Variants in LINGO2 observed in about 807,000 individuals in gnomAD.
The protein encoded by LINGO2 is leucine rich repeat and Ig domain containing 2.
In LINGO2, 14 loss-of-function variants were observed where a neutral mutation model predicts 30.6. The ratio of observed to expected loss-of-function variants is 0.46; its 90% confidence interval spans 0.30 to 0.72. LINGO2 has a LOEUF of 0.72. Among genes scored for constraint, LINGO2 ranks in the 30% least tolerant of loss-of-function variants. The pLI, the probability that LINGO2 is intolerant of heterozygous loss-of-function variation, is 0.07. For synonymous variants in LINGO2, 317 were observed against 288.5 expected, an observed-to-expected ratio of 1.10 and a Z score of -1.00; for missense variants, 729 against 751.7, an observed-to-expected ratio of 0.97 and a Z score of 0.35.
In LINGO2 at chr9:28,598,252, G is replaced by C. The variant is rs535149464; in HGVS notation, c.-365+71948C>G. ...AAACAAATACTAACAACATCAAAATGCAAGCAAAAGTTCTTATATACATCT... is the reference window on the plus strand; with the variant it reads ...AAACAAATACTAACAACATCAAAATCCAAGCAAAAGTTCTTATATACATCT... On this transcript the variant is annotated intron_variant, in intron 1 of 5. Transcript: ENST00000379992. Among the ~76,000 whole-genome samples the C allele has an allele frequency of 2.5e-4, 38 of 152,024 alleles. No individual in the cohort carries two copies. The South Asian group carries it at 7.7e-3, about 31-fold the overall frequency.
chr9:28,380,702 A>G (rs1421836435), intron 2 of LINGO2, among the ~76,000 whole-genome samples: 2 of 152,072 alleles, frequency 1.3e-5, no homozygotes, highest in Non-Finnish European at 2.9e-5. Context: ...GTCTTTCTTA[A>G]AAGAGATAGT....
At chr9:29,032,092 G>T in the LINGO2 span, among the ~76,000 whole-genome samples, 1 of 152,170 alleles carries the variant, frequency 6.6e-6, no homozygotes, top group Non-Finnish European at 1.5e-5. Flanking sequence ...AACTTGTAGA[G>T]TAGTGCATAA....
At chr9:28,204,879 TG>T (rs991480485) in intron 4 of LINGO2, among the ~76,000 whole-genome samples, 4 of 152,168 alleles carry the variant, frequency 2.6e-5, no homozygotes, top group South Asian at 2.1e-4. Context: ...ATAAAGGGGA[TG>T]TTTTTTTCCT....
chr9:28,470,016 C>T (rs1825459072), intron 2 of LINGO2, among the ~76,000 whole-genome samples: 1 of 152,000 alleles, frequency 6.6e-6, no homozygotes, highest in East Asian at 1.9e-4. Flanking sequence ...TCTAAGTATA[C>T]ATAAAGGAAT....
intron 4 of LINGO2, among the ~76,000 whole-genome samples, chr9:28,139,699 G>T (rs571136682): frequency 6.6e-6 from 1 of 152,140 alleles, no homozygotes; most frequent in Admixed American, 6.5e-5. Flanking sequence ...TATGAAATAC[G>T]TTGAGATGTT....
intron 4 of LINGO2, among the ~76,000 whole-genome samples, chr9:28,135,594 TA>T: frequency 6.6e-6 from 1 of 152,208 alleles, no homozygotes; most frequent in Non-Finnish European, 1.5e-5. Flanking sequence ...TGATGAATTC[TA>T]AAATGAAAGT....
intron 1 of LINGO2, among the ~76,000 whole-genome samples, chr9:28,667,044 G>C (rs949975432): frequency 6.6e-6 from 1 of 151,910 alleles, no homozygotes; most frequent in Non-Finnish European, 1.5e-5. Context: ...GATCATCAAC[G>C]ACTTATAGAA....
chr9:28,665,237 G>A (rs1028589740), intron 1 of LINGO2, among the ~76,000 whole-genome samples: 45 of 151,736 alleles, frequency 3.0e-4, no homozygotes, highest in African/African-American at 1.1e-3. Flanking sequence ...GAAAAATGCA[G>A]TGGCAACCTG....
At chr9:28,541,414 T>C (rs1165603100) in intron 1 of LINGO2, among the ~76,000 whole-genome samples, 2 of 152,172 alleles carry the variant, frequency 1.3e-5, no homozygotes, top group East Asian at 3.9e-4. Flanking sequence ...CTGATGTAAT[T>C]AGGAAAACAA....
chr9:28,990,585 A>G, the LINGO2 span, among the ~76,000 whole-genome samples: 3 of 152,310 alleles, frequency 2.0e-5, no homozygotes, highest in Non-Finnish European at 4.4e-5. Context: ...ACCCCTGAGC[A>G]GCCTAACTGG....
the LINGO2 span, among the ~76,000 whole-genome samples, chr9:29,006,228 T>C: frequency 8.2e-3 from 1,247 of 152,070 alleles, 6 homozygotes; most frequent in Middle Eastern, 0.031. Context: ...TCTCTATTAT[T>C]TAGTATTCAA....
At chr9:28,896,418 C>T in the LINGO2 span, among the ~76,000 whole-genome samples, 974 of 152,100 alleles carry the variant, frequency 6.4e-3, 5 homozygotes, top group Middle Eastern at 0.024. Context: ...TTTTATCATA[C>T]GTATCACTAT....
At chr9:28,319,287 A>G (rs1196850436) in intron 3 of LINGO2, among the ~76,000 whole-genome samples, 1 of 152,158 alleles carries the variant, frequency 6.6e-6, no homozygotes, top group African/African-American at 2.4e-5. Flanking sequence ...GCCAGCAATA[A>G]TGGGTGGAAC....
At chr9:29,150,538 A>G in the LINGO2 span, among the ~76,000 whole-genome samples, 2 of 152,194 alleles carry the variant, frequency 1.3e-5, no homozygotes, top group Non-Finnish European at 2.9e-5. Context: ...ACGATCCAAG[A>G]GCTGATAGAT....
At chr9:28,839,288 G>T in the LINGO2 span, among the ~76,000 whole-genome samples, 1 of 152,172 alleles carries the variant, frequency 6.6e-6, no homozygotes, top group South Asian at 2.1e-4. Flanking sequence ...GAGGCACACA[G>T]ACAACTGGAG....
At chr9:28,448,470 G>A (rs772793040) in intron 2 of LINGO2, among the ~76,000 whole-genome samples, 106 of 152,036 alleles carry the variant, frequency 7.0e-4, no homozygotes, top group Admixed American at 8.5e-4. Context: ...AAAAGAAGAC[G>A]TTTGTTAAAA....
At chr9:28,524,441 G>A (rs1564265427) in intron 1 of LINGO2, among the ~76,000 whole-genome samples, 1 of 152,130 alleles carries the variant, frequency 6.6e-6, no homozygotes. Flanking sequence ...TACTTCAAAA[G>A]ACATCTTTAT....
At chr9:28,174,194 A>C (rs535370337) in intron 4 of LINGO2, among the ~76,000 whole-genome samples, 1 of 152,204 alleles carries the variant, frequency 6.6e-6, no homozygotes, top group South Asian at 2.1e-4. Flanking sequence ...GCTCAGTATG[A>C]GCTGCGACAT....
chr9:28,267,698 C>G (rs1034856508), intron 4 of LINGO2, among the ~76,000 whole-genome samples: 4 of 151,966 alleles, frequency 2.6e-5, no homozygotes, highest in African/African-American at 9.7e-5. Context: ...CCTTCATGAA[C>G]ACCACAAATG....
Sources: allele counts gnomAD v4.1 joint callset (sites outside exome capture counted in the v4.1 genomes callset), GRCh38; gene constraint gnomAD v4.1.1; transcripts MANE v1.5; gene names NCBI Gene and HGNC (gene_info 2026-07-23, HGNC 2026-07-21).